The following IREB2 variants were observed in gnomAD, a reference collection of about 807,000 sequenced individuals.
IREB2 encodes the protein iron responsive element binding protein 2.
A neutral mutation model predicts 118.8 loss-of-function variants in IREB2; 39 were observed. That is an observed-to-expected ratio of 0.33 (90% CI 0.25 to 0.43). IREB2 has a LOEUF of 0.43. Ranked by LOEUF, IREB2 falls within the 20% of genes least tolerant of loss-of-function variation. The pLI, the probability that IREB2 is intolerant of heterozygous loss-of-function variation, is 1.00. For missense variants in IREB2, 900 were observed against 1,147.3 expected (o/e 0.78, Z 3.11); for synonymous variants, 372 against 392.2 (o/e 0.95, Z 0.61).
intron 2 of IREB2, among the ~76,000 whole-genome samples, chr15:78,450,034 G>A (rs17483929): frequency 0.29 from 44,469 of 152,024 alleles, 6,861 homozygotes; most frequent in Middle Eastern, 0.39. Flanking sequence ...AGAGGCAGAC[G>A]TAATCCAGTG....
intron 18 of IREB2, among the ~76,000 whole-genome samples, chr15:78,491,193 G>T (rs2051744163): frequency 6.6e-6 from 1 of 152,060 alleles, no homozygotes; most frequent in South Asian, 2.1e-4. Flanking sequence ...GGCTGGGAAT[G>T]ATATGTACAA....
intron 13 of IREB2, among the ~76,000 whole-genome samples, chr15:78,487,230 T>G (rs1302848225): frequency 6.6e-6 from 1 of 152,122 alleles, no homozygotes; most frequent in Non-Finnish European, 1.5e-5. Flanking sequence ...GTCAGGTTAT[T>G]ATAGCCAGGT....
rs557406744 is a variant in IREB2, at chr15:78,488,373, A to G, written c.1951+37A>G. The G allele has an allele frequency of 1.4e-5, 21 of 1,483,224 alleles. No individual in the cohort carries two copies. In the East Asian group the frequency reaches 4.5e-4, roughly 32 times the overall value. 91.9% of individuals were successfully genotyped at this position (1,483,224 alleles called of 1,614,324 possible). Reference sequence around the variant, plus strand: ...TTTATGTATATGTATACCTACACATACTTTTCCCAATGGAAGTCGTTATAT... The same window carrying G: ...TTTATGTATATGTATACCTACACATGCTTTTCCCAATGGAAGTCGTTATAT... On this transcript the variant is annotated intron_variant, in intron 15 of 21. Transcript: ENST00000258886.
At chr15:78,472,525 C>T (rs1052915336) in intron 7 of IREB2, among the ~76,000 whole-genome samples, 1 of 152,068 alleles carries the variant, frequency 6.6e-6, no homozygotes, top group Non-Finnish European at 1.5e-5. Context: ...TGCCACCACG[C>T]CCAGCTAATT....
chr15:78,442,579 C>T (rs1330436489), intron 2 of IREB2, among the ~76,000 whole-genome samples: 1 of 152,170 alleles, frequency 6.6e-6, no homozygotes, highest in Non-Finnish European at 1.5e-5. Context: ...AGTTGAGAAA[C>T]ACTGTTCTAA....
At position 78,471,902 on chromosome 15, in the gene IREB2, T is replaced by C. The variant is rs371626501; in HGVS notation, c.861T>C (p.Asn287=). 1.0e-5 allele frequency: 16 copies of C among 1,599,234 alleles called. No homozygotes were observed. The highest frequency in any genetic ancestry group is 1.4e-5 in the Non-Finnish European group (16 of 1,173,654). The change falls in exon 7 of 22, where the codon AAT becomes AAC. Residue 287 remains asparagine, a synonymous_variant. Transcript: ENST00000258886. ...VGTDSHITMV[N]GLGILGWGVG... ...CAGATTCACACATAACGATGGTGAA[T>C]GGTTTAGGGATTCTGGGGTGGGGTA...
chr15:78,439,303 C>T (rs1240703718), intron 1 of IREB2, among the ~76,000 whole-genome samples: 1 of 151,828 alleles, frequency 6.6e-6, no homozygotes, highest in Non-Finnish European at 1.5e-5. Flanking sequence ...TTATTGAATG[C>T]TCTGTAAAAA....
At chr15:78,484,960 A>G (rs2051636019) in intron 12 of IREB2, 40 bp downstream of exon 12, 1 of 1,579,154 alleles carries the variant, frequency 6.3e-7, no homozygotes, top group Non-Finnish European at 8.6e-7. Context: ...CTTTTTCCTT[A>G]ATTATTGTTG....
chr15:78,466,261 G>A lies in IREB2; in HGVS notation c.411-10G>A. 6.4e-7 allele frequency: 1 copy of A among 1,568,672 alleles called. No homozygotes were observed. Among genetic ancestry groups the A allele is most frequent in the African/African-American group, 1.4e-5 (1 of 73,266 alleles). The stretch of plus-strand genomic sequence containing the variant: ...AATGGCTTTATTTTGTTTTCTTTTT[G>A]GAATGACAGTGCAATACAGAATGCA... On this transcript the variant is annotated splice_polypyrimidine_tract_variant and intron_variant, in intron 4 of 21. Coordinates refer to ENST00000258886, the MANE Select transcript of IREB2 (RefSeq NM_004136.4).
chr15:78,444,545 A>G (rs1369235508), intron 2 of IREB2, among the ~76,000 whole-genome samples: 1 of 152,074 alleles, frequency 6.6e-6, no homozygotes, highest in Non-Finnish European at 1.5e-5. Flanking sequence ...GTCCTCCAGT[A>G]GAGCCGGGAC....
intron 11 of IREB2, among the ~76,000 whole-genome samples, 194 bp from the exon 12 acceptor site, chr15:78,484,567 C>T (rs2051627900): frequency 1.3e-5 from 2 of 152,160 alleles, no homozygotes; most frequent in Admixed American, 1.3e-4. Context: ...TCACCAGACT[C>T]CTGTCGTGCC....
At chr15:78,494,393 T>G (rs1241812774) in intron 20 of IREB2, 129 bp downstream of exon 20, 1 of 871,294 alleles carries the variant, frequency 1.1e-6, no homozygotes, top group Non-Finnish European at 1.8e-6. Flanking sequence ...ATAGAGGGTT[T>G]TGTTTGTTTG....
At chr15:78,443,807 C>G (rs1050812770) in intron 2 of IREB2, among the ~76,000 whole-genome samples, 1 of 151,874 alleles carries the variant, frequency 6.6e-6, no homozygotes, top group Admixed American at 6.6e-5. Flanking sequence ...CCACCACATC[C>G]GGCTGATTTT....
intron 2 of IREB2, among the ~76,000 whole-genome samples, chr15:78,453,046 T>A (rs1374747938): frequency 6.6e-6 from 1 of 152,236 alleles, no homozygotes; most frequent in Non-Finnish European, 1.5e-5. Context: ...TCTTTTATAA[T>A]GGGTAGTAAG....
intron 6 of IREB2, 87 bp downstream of exon 6, chr15:78,470,688 C>G: frequency 2.5e-6 from 1 of 404,870 alleles, no homozygotes; most frequent in East Asian, 4.2e-5. Flanking sequence ...TTTTTCTTTT[C>G]CTTTTTTTTT....
At chr15:78,478,554 C>T (rs995106165) in intron 10 of IREB2, among the ~76,000 whole-genome samples, 157 bp downstream of exon 10, 4 of 152,090 alleles carry the variant, frequency 2.6e-5, no homozygotes, top group African/African-American at 7.2e-5. Flanking sequence ...AAACTACAAA[C>T]ATTAGCTGGG....
rs112118196 is a variant in IREB2 at position 78,472,567 on chromosome 15, A to G, written c.883+643A>G. Among the ~76,000 whole-genome samples, 1,130 of 152,190 alleles carry G rather than the reference A, an allele frequency of 7.4e-3. 15 individuals are homozygous for G. Among genetic ancestry groups the G allele is most frequent in the African/African-American group, 0.022 (924 of 41,524 alleles). ...TTTTTAGTAGAGATACGGTTTTGCT[A>G]TGCTGGCCTGGCTGGTTTTGAATTC... On this transcript the variant is annotated intron_variant, in intron 7 of 21. Coordinates refer to ENST00000258886, the MANE Select transcript of IREB2 (RefSeq NM_004136.4).
intron 2 of IREB2, among the ~76,000 whole-genome samples, chr15:78,456,248 A>G (rs978397708): frequency 2.6e-5 from 4 of 152,170 alleles, no homozygotes; most frequent in Non-Finnish European, 5.9e-5. Flanking sequence ...TTGTTTTGAG[A>G]GACAGTGGTA....
intron 2 of IREB2, among the ~76,000 whole-genome samples, chr15:78,462,313 A>G (rs936701413): frequency 6.6e-6 from 1 of 152,212 alleles, no homozygotes; most frequent in Non-Finnish European, 1.5e-5. Flanking sequence ...TCCTAAGGAA[A>G]CACTTTTGTG....
Sources: allele counts gnomAD v4.1 joint callset (sites outside exome capture counted in the v4.1 genomes callset), GRCh38; gene constraint gnomAD v4.1.1; transcripts MANE v1.5; gene names NCBI Gene and HGNC (gene_info 2026-07-23, HGNC 2026-07-21).